ARHGAP32: variants seen among roughly 807,000 people sequenced by gnomAD.
ARHGAP32 encodes the protein rho GTPase-activating protein 32.
ARHGAP32 carries 51 observed loss-of-function variants against 186.5 expected under a neutral mutation model. The observed-to-expected ratio is 0.27, with a 90% CI of 0.22 to 0.35. The LOEUF (loss-of-function observed/expected upper bound fraction) is 0.35. Ranked by LOEUF, ARHGAP32 falls within the 10% of genes least tolerant of loss-of-function variation. The pLI is 1.00. For synonymous variants in ARHGAP32, 950 were observed against 964.3 expected, an observed-to-expected ratio of 0.99 and a Z score of 0.27; for missense variants, 2,186 against 2,623.5, an observed-to-expected ratio of 0.83 and a Z score of 3.64.
At chr11:128,982,835 G>C (rs1039073316) in intron 15 of ARHGAP32, among the ~76,000 whole-genome samples, 1 of 144,228 alleles carries the variant, frequency 6.9e-6, no homozygotes, top group Non-Finnish European at 1.5e-5. Flanking sequence ...AGGCTGCAGT[G>C]AGCTGTGATC....
chr11:128,991,774 A>G (rs1946061012), intron 12 of ARHGAP32, among the ~76,000 whole-genome samples: 1 of 152,216 alleles, frequency 6.6e-6, no homozygotes, highest in Non-Finnish European at 1.5e-5. Flanking sequence ...CGACAACAGA[A>G]TAAGAAGTAC....
At position 129,009,311 on chromosome 11, in the gene ARHGAP32, T is replaced by C. The variant is rs147823800; in HGVS notation, c.1046-10843A>G. ...AATTATGCCCTTAACTGGTAATTAC[T>C]AGTATGCTGGAAAACAATTTTTTTT... On this transcript the variant is annotated intron_variant, in intron 11 of 22. Coordinates refer to ENST00000682385, the MANE Select transcript of ARHGAP32 (RefSeq NM_001378024.1). 5.2e-3 allele frequency among the ~76,000 whole-genome samples: 799 copies of C among 152,332 alleles called. 12 individuals are homozygous for C. The highest frequency in any genetic ancestry group is 0.018 in the African/African-American group (756 of 41,566).
chr11:129,233,000 T>C (rs1244328254), intron 1 of ARHGAP32, among the ~76,000 whole-genome samples: 1 of 152,206 alleles, frequency 6.6e-6, no homozygotes, highest in Non-Finnish European at 1.5e-5. Context: ...AACATATATA[T>C]TTGTCAAAAC....
chr11:129,267,509 CAT>C (rs888236353), intron 1 of ARHGAP32, among the ~76,000 whole-genome samples: 2 of 150,856 alleles, frequency 1.3e-5, no homozygotes. Context: ...TTTGTATAGA[CAT>C]ATGTTTCGAG....
chr11:129,250,106 G>A (rs1374258335), intron 1 of ARHGAP32, among the ~76,000 whole-genome samples: 1 of 151,960 alleles, frequency 6.6e-6, no homozygotes, highest in African/African-American at 2.4e-5. Flanking sequence ...GGTCCCAGCT[G>A]CTCAGGAGGG....
chr11:129,002,909 C>T (rs911804428), intron 11 of ARHGAP32, among the ~76,000 whole-genome samples: 5 of 146,120 alleles, frequency 3.4e-5, no homozygotes, highest in South Asian at 2.1e-4. Flanking sequence ...CCCGGGTTCA[C>T]GCCATTCTCC....
At chr11:129,212,273 T>C (rs769042101) in intron 1 of ARHGAP32, among the ~76,000 whole-genome samples, 1 of 152,230 alleles carries the variant, frequency 6.6e-6, no homozygotes, top group Non-Finnish European at 1.5e-5. Context: ...ATATGATTAA[T>C]AAGAGGCTTG....
rs573835596 is a variant in ARHGAP32, at chr11:129,243,236, G to T, written c.-5+35910C>A. Among the ~76,000 whole-genome samples the T allele has an allele frequency of 2.3e-4, 35 of 152,212 alleles. 2 individuals carry two copies. In the South Asian group the frequency reaches 6.2e-3, roughly 27 times the overall value. On this transcript the variant is annotated intron_variant, in intron 1 of 6. Transcript: ENST00000525234. The stretch of plus-strand genomic sequence containing the variant: ...AGTCCCTCAGGTTTAAAACCCAAGA[G>T]CTAGTTTTAACTTCCACCTCTCCCT...
intron 6 of ARHGAP32, among the ~76,000 whole-genome samples, chr11:129,080,318 T>A (rs571330745): frequency 1.3e-5 from 2 of 152,272 alleles, no homozygotes; most frequent in East Asian, 3.9e-4. Context: ...CATCAGTATA[T>A]GGATCATTCT....
At chr11:129,213,174 A>G (rs1477534359) in intron 1 of ARHGAP32, among the ~76,000 whole-genome samples, 1 of 152,196 alleles carries the variant, frequency 6.6e-6, no homozygotes, top group East Asian at 1.9e-4. Flanking sequence ...GCTATCTGAA[A>G]TTTAAATGAT....
chr11:128,982,218 A>G (rs949693529), intron 15 of ARHGAP32, among the ~76,000 whole-genome samples: 1 of 152,234 alleles, frequency 6.6e-6, no homozygotes, highest in African/African-American at 2.4e-5. Context: ...TCTATGAAAG[A>G]AAACAGTAAT....
At chr11:129,024,710 C>T (rs1057067105) in intron 11 of ARHGAP32, among the ~76,000 whole-genome samples, 1 of 152,164 alleles carries the variant, frequency 6.6e-6, no homozygotes, top group African/African-American at 2.4e-5. Flanking sequence ...ACAACCTTCT[C>T]CTTCATACAC....
intron 7 of ARHGAP32, among the ~76,000 whole-genome samples, chr11:129,065,484 T>TA (rs1488529700): frequency 1.3e-5 from 2 of 152,088 alleles, no homozygotes; most frequent in Non-Finnish European, 1.5e-5. Flanking sequence ...TAAAAGGGGA[T>TA]AAAAACCTGG....
chr11:129,022,265 A>C (rs1003789473), intron 11 of ARHGAP32, among the ~76,000 whole-genome samples: 5 of 152,144 alleles, frequency 3.3e-5, no homozygotes, highest in African/African-American at 4.8e-5. Context: ...TTGTCAGATT[A>C]AATTGTAATC....
chr11:129,145,307 C>T (rs1316607066), intron 2 of ARHGAP32, among the ~76,000 whole-genome samples: 2 of 123,044 alleles, frequency 1.6e-5, no homozygotes, highest in Admixed American at 1.6e-4. Flanking sequence ...AATGTGCATG[C>T]AATATTTAAA....
At chr11:128,977,847 G>A (rs1945590608) in intron 19 of ARHGAP32, among the ~76,000 whole-genome samples, 1 of 121,106 alleles carries the variant, frequency 8.3e-6, no homozygotes. Flanking sequence ...TCGCTTATTT[G>A]CAATTTATTA....
chr11:129,125,837 G>A, intron 2 of ARHGAP32: 2 of 417,508 alleles, frequency 4.8e-6, no homozygotes, highest in South Asian at 1.7e-5. Context: ...TATAAGGGTT[G>A]GTATTTCATG....
At chr11:129,218,893 G>A (rs1371231323) in intron 1 of ARHGAP32, among the ~76,000 whole-genome samples, 1 of 152,162 alleles carries the variant, frequency 6.6e-6, no homozygotes, top group Admixed American at 6.6e-5. Flanking sequence ...GAGTGCGGGT[G>A]AGAAGAACAT....
intron 11 of ARHGAP32, among the ~76,000 whole-genome samples, chr11:129,031,976 G>C (rs970370114): frequency 2.0e-5 from 3 of 152,108 alleles, no homozygotes; most frequent in African/African-American, 7.2e-5. Context: ...AACTCCAGGG[G>C]AGGACCACCT....
Sources: gnomAD v4.1 joint callset for allele counts (sites outside exome capture counted in the v4.1 genomes callset) on GRCh38, gnomAD v4.1.1 for gene constraint, MANE v1.5 for transcripts, NCBI Gene and HGNC (gene_info 2026-07-23, HGNC 2026-07-21) for gene names.